The following RASA1 variants were observed in gnomAD, a reference collection of about 807,000 sequenced individuals.
RASA1 encodes RAS p21 protein activator 1, also known as ras GTPase-activating protein 1.
A neutral mutation model predicts 132.2 loss-of-function variants in RASA1; 25 were observed. That is an observed-to-expected ratio of 0.19 (90% CI 0.14 to 0.26). The LOEUF (loss-of-function observed/expected upper bound fraction) is 0.26. RASA1 is among the 10% of genes least tolerant of loss of function. The pLI is 1.00. For missense variants in RASA1, 964 were observed against 1,299.2 expected, an observed-to-expected ratio of 0.74 and a Z score of 3.97; for synonymous variants, 477 against 449.9, an observed-to-expected ratio of 1.06 and a Z score of -0.76.
In RASA1 at chr5:87,391,729, T is replaced by C. The variant is rs986841275; in HGVS notation, c.*846T>C. 7 of 232,736 alleles carry C rather than the reference T, an allele frequency of 3.0e-5. No homozygotes were observed. Among genetic ancestry groups the C allele is most frequent in the African/African-American group, 1.3e-4 (6 of 45,278 alleles). 14.4% of individuals were successfully genotyped at this position (232,736 alleles called of 1,614,324 possible). On this transcript the variant is annotated 3_prime_UTR_variant, in exon 25 of 25. Transcript: ENST00000274376. ...TGTTAAAAGTTATTTGTTCATTATT[T>C]GTGCTACCCCTTTGATTATGCAGAC...
intron 12 of RASA1, among the ~76,000 whole-genome samples, chr5:87,371,468 T>C (rs1051191440): frequency 1.1e-4 from 17 of 152,190 alleles, no homozygotes; most frequent in African/African-American, 3.6e-4. Flanking sequence ...TTGTTTTTAA[T>C]AAACCTTAGT....
chr5:87,377,156 T>C, intron 17 of RASA1, 116 bp downstream of exon 17: 1 of 1,345,304 alleles, frequency 7.4e-7, no homozygotes, highest in Non-Finnish European at 1.0e-6. Flanking sequence ...CAAAATAAGT[T>C]ATTCTGTTTT....
chr5:87,328,872 A>T (rs934991314), intron 1 of RASA1, among the ~76,000 whole-genome samples: 4 of 152,214 alleles, frequency 2.6e-5, no homozygotes, highest in African/African-American at 7.2e-5. Flanking sequence ...AGGTGTCTGA[A>T]TCAAATCTTG....
rs750927290 is a variant in RASA1 at position 87,269,337 on chromosome 5, G to A, written c.539+347G>A. ...CTGCGGCTACCAAGGCAGTCATAGT[G>A]TATATTAACTTGTGTGTGTTACTTG... On this transcript the variant is annotated intron_variant, in intron 1 of 24. Coordinates refer to ENST00000274376, the MANE Select transcript of RASA1 (RefSeq NM_002890.3). 5.9e-6 allele frequency: 9 copies of A among 1,526,750 alleles called. No individual in the cohort carries two copies. The South Asian group carries it at 9.5e-5, about 16-fold the overall frequency. 94.6% of individuals were successfully genotyped at this position (1,526,750 alleles called of 1,614,324 possible).
intron 11 of RASA1, among the ~76,000 whole-genome samples, chr5:87,367,298 T>C (rs1317507708): frequency 6.6e-6 from 1 of 152,220 alleles, no homozygotes; most frequent in Admixed American, 6.5e-5. Context: ...GGGGAAATTA[T>C]AAATGAATGT....
At chr5:87,381,524 G>A (rs1761716117) in intron 20 of RASA1, among the ~76,000 whole-genome samples, 1 of 152,158 alleles carries the variant, frequency 6.6e-6, no homozygotes, top group Non-Finnish European at 1.5e-5. Context: ...TACACAGTTT[G>A]TTTTGAAAAT....
In RASA1 at chr5:87,349,287, C is replaced by G. The variant is rs1240092734; in HGVS notation, c.1176C>G (p.Thr392=). ...GCGATTATTCACTTTATTTCCGGAC[C>G]AATGAAAATATTCAGCGATTTAAAA... ...TPGDYSLYFR[T]NENIQRFKIC... The change falls in exon 8 of 25, where the codon ACC becomes ACG. Residue 392 remains threonine (T), a synonymous_variant. Transcript: ENST00000274376. The G allele has an allele frequency of 6.2e-7, 1 of 1,612,064 alleles. No homozygotes were observed.
intron 15 of RASA1, among the ~76,000 whole-genome samples, chr5:87,375,126 A>C (rs935033416): frequency 6.6e-6 from 1 of 152,178 alleles, no homozygotes; most frequent in African/African-American, 2.4e-5. Context: ...AACTGTACAC[A>C]CTGTTAAGCA....
rs560673383 is a variant in RASA1 at position 87,364,653 on chromosome 5, G to A, written c.1610+1149G>A. On this transcript the variant is annotated intron_variant, in intron 11 of 24. Transcript: ENST00000274376. Reference sequence around the variant, plus strand: ...TTAACCTTCAAATGTGGTTGATTCAGGCCTCTGTCTTTTCTTTTTAGTTCT... The same window carrying A: ...TTAACCTTCAAATGTGGTTGATTCAAGCCTCTGTCTTTTCTTTTTAGTTCT... Among the ~76,000 whole-genome samples the A allele has an allele frequency of 3.3e-5, 5 of 152,174 alleles. No homozygotes were observed. In the South Asian group the frequency reaches 1.0e-3, roughly 32 times the overall value.
At chr5:87,379,968 A>T in intron 19 of RASA1, 118 bp downstream of exon 19, 1 of 1,066,226 alleles carries the variant, frequency 9.4e-7, no homozygotes, top group East Asian at 2.6e-5. Context: ...TGAAAAAGTC[A>T]TGGTTAATCT....
At chr5:87,293,746 T>A (rs1330019794) in intron 1 of RASA1, among the ~76,000 whole-genome samples, 2 of 152,204 alleles carry the variant, frequency 1.3e-5, no homozygotes, top group African/African-American at 2.4e-5. Flanking sequence ...TCAATTTTTT[T>A]AATAGATGTA....
intron 9 of RASA1, among the ~76,000 whole-genome samples, chr5:87,358,002 G>T (rs1260086307): frequency 1.3e-5 from 2 of 152,128 alleles, no homozygotes; most frequent in African/African-American, 2.4e-5. Flanking sequence ...GTAGAAGTTT[G>T]GGGAATAATA....
At chr5:87,329,961 T>A (rs1006953827) in intron 1 of RASA1, among the ~76,000 whole-genome samples, 1 of 152,192 alleles carries the variant, frequency 6.6e-6, no homozygotes, top group African/African-American at 2.4e-5. Flanking sequence ...AAGTTAAATT[T>A]ACTTGTCATT....
chr5:87,275,863 C>T (rs1259857300), intron 1 of RASA1, among the ~76,000 whole-genome samples: 1 of 152,158 alleles, frequency 6.6e-6, no homozygotes, highest in East Asian at 1.9e-4. Flanking sequence ...CCACTGTGCC[C>T]AGCCAGCTTG....
rs540798112 is a variant in RASA1, at chr5:87,388,138, A to G, written c.2925+1235A>G. Among the ~76,000 whole-genome samples, 5 of 152,286 alleles carry G rather than the reference A, an allele frequency of 3.3e-5. No individual in the cohort carries two copies. The South Asian group carries it at 6.2e-4, about 19-fold the overall frequency. On this transcript the variant is annotated intron_variant, in intron 23 of 24. Coordinates refer to ENST00000274376, the MANE Select transcript of RASA1 (RefSeq NM_002890.3). Reference sequence around the variant, plus strand: ...CTGTGATATATAATTCTGTGTTGCTATGATTACTTTATTCTAAAGTCCTTT... The same window carrying G: ...CTGTGATATATAATTCTGTGTTGCTGTGATTACTTTATTCTAAAGTCCTTT...
intron 1 of RASA1, among the ~76,000 whole-genome samples, chr5:87,292,511 C>T (rs10059102): frequency 0.59 from 89,583 of 151,724 alleles, 28,770 homozygotes; most frequent in African/African-American, 0.87. Context: ...TTTCCTGTTC[C>T]GTTCCATTGA....
chr5:87,339,213 C>A (rs1056983868), intron 5 of RASA1, among the ~76,000 whole-genome samples: 1 of 152,040 alleles, frequency 6.6e-6, no homozygotes, highest in Non-Finnish European at 1.5e-5. Context: ...CCTATTCTGG[C>A]AACCAAATCT....
At chr5:87,309,462 C>T (rs1755767870) in intron 1 of RASA1, among the ~76,000 whole-genome samples, 1 of 152,082 alleles carries the variant, frequency 6.6e-6, no homozygotes. Flanking sequence ...TGGTAATACA[C>T]ACAGTGTGTT....
chr5:87,271,867 G>A (rs1753856419), intron 1 of RASA1, among the ~76,000 whole-genome samples: 1 of 151,888 alleles, frequency 6.6e-6, no homozygotes, highest in South Asian at 2.1e-4. Context: ...TAATAAACAC[G>A]ATTGGGCTGG....
Sources: gnomAD v4.1 joint callset for allele counts (sites outside exome capture counted in the v4.1 genomes callset) on GRCh38, gnomAD v4.1.1 for gene constraint, MANE v1.5 for transcripts, NCBI Gene and HGNC (gene_info 2026-07-23, HGNC 2026-07-21) for gene names.